DISP1: variants seen among roughly 807,000 people sequenced by gnomAD.
DISP1 encodes the protein protein dispatched homolog 1.
Under a neutral mutation model 37.3 loss-of-function variants are expected in DISP1, and 30 were observed. The ratio of observed to expected loss-of-function variants is 0.80; its 90% confidence interval spans 0.60 to 1.09. The LOEUF (loss-of-function observed/expected upper bound fraction) is 1.09. DISP1 is among the 50% of genes least tolerant of loss of function. DISP1 has a pLI of 0.00. For synonymous variants in DISP1, 634 were observed against 690.2 expected (o/e 0.92, Z 1.28); for missense variants, 1,598 against 1,879.5 (o/e 0.85, Z 2.77).
intron 3 of DISP1, among the ~76,000 whole-genome samples, chr1:222,974,168 T>G (rs1000604291): frequency 3.3e-5 from 5 of 152,190 alleles, no homozygotes; most frequent in African/African-American, 1.2e-4. Flanking sequence ...ATGCCATTTT[T>G]GGATGAAAAA....
At position 223,004,766 on chromosome 1, in the gene DISP1, C is replaced by T; in HGVS notation, c.3369C>T (p.Ala1123=). 2.5e-6 allele frequency: 4 copies of T among 1,613,514 alleles called. No individual in the cohort carries two copies. Among genetic ancestry groups the T allele is most frequent in the Non-Finnish European group, 2.5e-6 (3 of 1,180,032 alleles). The change falls in exon 9 of 9, where the codon GCC becomes GCT. Residue 1123 remains alanine (A), a synonymous_variant. Coordinates refer to ENST00000675850, the MANE Select transcript of DISP1 (RefSeq NM_001377229.1). The surrounding 1 kb of genome is among the most constrained non-coding windows in gnomAD (Gnocchi z 4.9). ...TCATGTGTATCAGTTGGGCTTTCGC[C>T]ACCTTCTTTTTCCAGTGCATGTGCC... ...MLIMCISWAF[A]TFFFQCMCRC...
intron 1 of DISP1, among the ~76,000 whole-genome samples, chr1:222,908,640 C>T (rs1320209656): frequency 6.6e-6 from 1 of 152,114 alleles, no homozygotes; most frequent in Non-Finnish European, 1.5e-5. Flanking sequence ...GTGATCTGCC[C>T]ACCACGGCCT....
intron 1 of DISP1, among the ~76,000 whole-genome samples, chr1:222,890,622 G>A (rs1263973689): frequency 6.6e-6 from 1 of 152,118 alleles, no homozygotes; most frequent in African/African-American, 2.4e-5. Flanking sequence ...ACAACTAGGT[G>A]TTAGTTTTCT....
chr1:222,854,743 CTT>C (rs11389911), intron 1 of DISP1, among the ~76,000 whole-genome samples: 3 of 142,724 alleles, frequency 2.1e-5, no homozygotes, highest in Admixed American at 7.1e-5. Context: ...CAGTGTTTTG[CTT>C]TTTTTTTTTT....
chr1:222,943,088 C>T lies in DISP1; in HGVS notation c.265C>T (p.His89Tyr). ...PQCCHPCPYHHPLTSHSSHQE... is the reference protein window; with the variant it reads ...PQCCHPCPYHYPLTSHSSHQE... The stretch of plus-strand genomic sequence containing the variant: ...ATGCTGCCATCCTTGCCCATACCAT[C>T]ACCCTTTGACTAGCCATAGCAGTCA... The change falls in exon 3 of 9, where the codon CAC becomes TAC. Residue 89 changes from histidine (H) to tyrosine (Y), a missense_variant. Coordinates refer to ENST00000675850, the MANE Select transcript of DISP1 (RefSeq NM_001377229.1). The T allele has an allele frequency of 6.2e-7, 1 of 1,614,222 alleles. No homozygotes were observed.
Position 222,874,551 on chromosome 1 carries a change from C to T in DISP1, c.-158-53879C>T, listed in dbSNP as rs149266737. On this transcript the variant is annotated intron_variant, in intron 1 of 8. Transcript: ENST00000675850. Reference sequence around the variant, plus strand: ...TACCCTTTTTTCCAGTTGATTGCATCGGTTACTGAGGCTTGTGCATTCGTC... The same window carrying T: ...TACCCTTTTTTCCAGTTGATTGCATTGGTTACTGAGGCTTGTGCATTCGTC... Among the ~76,000 whole-genome samples the T allele has an allele frequency of 4.2e-3, 638 of 152,226 alleles. 13 individuals are homozygous for T. Among genetic ancestry groups the T allele is most frequent in the Admixed American group, 0.018 (275 of 15,296 alleles).
intron 1 of DISP1, among the ~76,000 whole-genome samples, chr1:222,858,075 G>A (rs529004539): frequency 6.6e-6 from 1 of 152,196 alleles, no homozygotes; most frequent in Non-Finnish European, 1.5e-5. Context: ...CATGGCACCA[G>A]TACAAAAACA....
chr1:222,935,916 T>A (rs1221155845), intron 2 of DISP1, among the ~76,000 whole-genome samples: 2 of 152,306 alleles, frequency 1.3e-5, no homozygotes, highest in East Asian at 3.9e-4. Context: ...TGGTGTATGA[T>A]ACAGTCATGT....
chr1:222,909,896 A>G (rs1229867877), intron 1 of DISP1, among the ~76,000 whole-genome samples: 1 of 152,154 alleles, frequency 6.6e-6, no homozygotes, highest in Non-Finnish European at 1.5e-5. Flanking sequence ...CCTGATTTCC[A>G]TCATTGTTAA....
intron 3 of DISP1, among the ~76,000 whole-genome samples, chr1:222,981,579 G>A (rs1254775345): frequency 1.3e-5 from 2 of 152,132 alleles, no homozygotes; most frequent in Admixed American, 1.3e-4. Flanking sequence ...TCTTGTTCAT[G>A]GGTATACTAG....
intron 4 of DISP1, chr1:222,989,280 T>C (rs1678512308): frequency 1.4e-6 from 1 of 730,924 alleles, no homozygotes; most frequent in East Asian, 1.3e-4. Context: ...AGCAGCCAAA[T>C]GAGCTAACAT....
At chr1:222,922,780 A>G (rs1672877120) in intron 1 of DISP1, among the ~76,000 whole-genome samples, 1 of 152,186 alleles carries the variant, frequency 6.6e-6, no homozygotes, top group Non-Finnish European at 1.5e-5. Context: ...TTCAAAGGAA[A>G]AGACCCTTGG....
intron 3 of DISP1, among the ~76,000 whole-genome samples, chr1:222,958,744 TA>T (rs1269425926): frequency 6.6e-6 from 1 of 152,176 alleles, no homozygotes; most frequent in Non-Finnish European, 1.5e-5. Flanking sequence ...AAATTTAGAT[TA>T]TATTATAGAA....
intron 3 of DISP1, among the ~76,000 whole-genome samples, chr1:222,958,424 A>G (rs952232901): frequency 2.6e-5 from 4 of 152,216 alleles, no homozygotes; most frequent in Non-Finnish European, 5.9e-5. Context: ...TTGAGCAGCT[A>G]CTTTAGTCAT....
chr1:222,960,571 A>C (rs1033378943), intron 3 of DISP1, among the ~76,000 whole-genome samples: 4 of 152,172 alleles, frequency 2.6e-5, no homozygotes, highest in Non-Finnish European at 5.9e-5. Flanking sequence ...CTAGAGAGGC[A>C]AGCGCAAAGT....
chr1:222,862,406 CT>C (rs1668925927), intron 1 of DISP1, among the ~76,000 whole-genome samples: 1 of 151,844 alleles, frequency 6.6e-6, no homozygotes, highest in East Asian at 1.9e-4. Flanking sequence ...AGAACCTTCT[CT>C]TTTATAATAA....
intron 1 of DISP1, among the ~76,000 whole-genome samples, chr1:222,871,694 T>A: frequency 6.6e-6 from 1 of 152,192 alleles, no homozygotes. Context: ...TGGGCTGAGA[T>A]GATGGGGTTT....
At chr1:222,915,800 A>G (rs1198440505) in intron 1 of DISP1, among the ~76,000 whole-genome samples, 2 of 152,206 alleles carry the variant, frequency 1.3e-5, no homozygotes, top group African/African-American at 4.8e-5. Context: ...TGTTGCTAAC[A>G]TAACTCAGAA....
chr1:222,864,291 G>A (rs1338497997), intron 1 of DISP1, among the ~76,000 whole-genome samples: 7 of 152,092 alleles, frequency 4.6e-5, no homozygotes, highest in Non-Finnish European at 5.9e-5. Flanking sequence ...TTTGTTTTAA[G>A]CATTTGAATG....
Sources: gnomAD v4.1 joint callset for allele counts (sites outside exome capture counted in the v4.1 genomes callset) on GRCh38, gnomAD v4.1.1 for gene constraint, Gnocchi (gnomAD v3.1) non-coding constraint, MANE v1.5 for transcripts, NCBI Gene and HGNC (gene_info 2026-07-23, HGNC 2026-07-21) for gene names.